Variants in CHD6 observed in about 807,000 individuals in gnomAD.
CHD6 encodes ATP-dependent chromatin remodeler CHD6.
A neutral mutation model predicts 276.9 loss-of-function variants in CHD6; 50 were observed. That is an observed-to-expected ratio of 0.18 (90% CI 0.14 to 0.23). The LOEUF is 0.23. Ranked by LOEUF, CHD6 falls within the 10% of genes least tolerant of loss-of-function variation. The pLI is 1.00. For missense variants in CHD6, 2,564 were observed against 3,365.8 expected, an observed-to-expected ratio of 0.76 and a Z score of 5.89; for synonymous variants, 1,173 against 1,229.3, an observed-to-expected ratio of 0.95 and a Z score of 0.96.
Position 41,403,832 on chromosome 20 carries a change from C to T in CHD6, c.*761G>A, listed in dbSNP as rs1235009365. The T allele has an allele frequency of 1.4e-5, 15 of 1,057,114 alleles. No homozygotes were observed. Among genetic ancestry groups the T allele is most frequent in the Non-Finnish European group, 1.7e-5 (15 of 874,274 alleles). The allele number at this position is 1,057,114 out of a possible 1,614,324, so 65.5% of individuals were successfully genotyped here. ...AGCTCTACGGAGCGCGGGTCCTTGC[C>T]CCACCCCCGTCGACAGCAATAACTC... On this transcript the variant is annotated 3_prime_UTR_variant, in exon 37 of 37. Coordinates refer to ENST00000373233, the MANE Select transcript of CHD6 (RefSeq NM_032221.5).
chr20:41,503,525 A>G (rs1214507049), intron 5 of CHD6, among the ~76,000 whole-genome samples: 1 of 152,190 alleles, frequency 6.6e-6, no homozygotes, highest in Non-Finnish European at 1.5e-5. Context: ...AATGCATTCA[A>G]TATTGTACTA....
Position 41,493,552 on chromosome 20 carries a change from C to T in CHD6, c.1300G>A (p.Glu434Lys), listed in dbSNP as rs780941409. 1.9e-6 allele frequency: 3 copies of T among 1,613,778 alleles called. No individual in the cohort carries two copies. Among genetic ancestry groups the T allele is most frequent in the South Asian group, 1.1e-5 (1 of 91,016 alleles). The change falls in exon 10 of 37, where the codon GAA becomes AAA. Residue 434 changes from glutamate to lysine, a missense_variant. By Grantham distance (56) the Glu-to-Lys change is moderately conservative (BLOSUM62 1). This residue lies in a region of CHD6 where 457 missense variants were observed against 889.0 expected (regional missense o/e 0.51). Transcript: ENST00000373233. The stretch of plus-strand genomic sequence containing the variant: ...AACTACTTTACCACATGCTTAATTT[C>T]AGGGAGAACTTGAAGAGATTCAAAT... The part of the protein sequence containing the change: ...KEFESLQVLP[E>K]IKHVERPASD...
At chr20:41,516,698 GAAGC>G (rs1024736568) in intron 3 of CHD6, among the ~76,000 whole-genome samples, 7 of 152,106 alleles carry the variant, frequency 4.6e-5, no homozygotes, top group Admixed American at 4.6e-4. Context: ...CAAGTGAACA[GAAGC>G]ACTATGTGAT....
chr20:41,559,161 CACA>C (rs988709001), intron 1 of CHD6, among the ~76,000 whole-genome samples: 13 of 151,952 alleles, frequency 8.6e-5, no homozygotes, highest in African/African-American at 2.2e-4. Context: ...CACACACACA[CACA>C]CACACACACA....
At chr20:41,601,725 T>C (rs558303301) in intron 1 of CHD6, among the ~76,000 whole-genome samples, 8 of 152,354 alleles carry the variant, frequency 5.3e-5, no homozygotes, top group Non-Finnish European at 7.3e-5. Context: ...AGTTTCCTCA[T>C]TGGTAAAATG....
At chr20:41,539,554 C>A (rs1365320704) in intron 2 of CHD6, among the ~76,000 whole-genome samples, 1 of 152,226 alleles carries the variant, frequency 6.6e-6, no homozygotes, top group Non-Finnish European at 1.5e-5. Flanking sequence ...CACACGACCA[C>A]CCCACTGGGG....
At chr20:41,553,531 A>G (rs535742888) in intron 1 of CHD6, among the ~76,000 whole-genome samples, 1 of 152,222 alleles carries the variant, frequency 6.6e-6, no homozygotes, top group Non-Finnish European at 1.5e-5. Context: ...TTACCTATTT[A>G]GGAAAGTTTT....
intron 1 of CHD6, among the ~76,000 whole-genome samples, chr20:41,555,365 AC>A (rs1274733672): frequency 1.9e-5 from 2 of 103,486 alleles, no homozygotes; most frequent in Admixed American, 1.0e-4. Context: ...CGGGGGGCCG[AC>A]CCCCCCACCT....
intron 2 of CHD6, among the ~76,000 whole-genome samples, chr20:41,542,736 G>T (rs2044969191): frequency 6.6e-6 from 1 of 151,892 alleles, no homozygotes. Context: ...ATAAGGAATT[G>T]TTCTTTTATA....
chr20:41,451,147 G>T (rs73123238), intron 22 of CHD6, 42 bp from the exon 23 acceptor site: 24,241 of 1,580,760 alleles, frequency 0.015, 245 homozygotes, highest in Non-Finnish European at 0.02. Context: ...ATAGCCAAGG[G>T]GGGTGTTACA....
At chr20:41,617,566 G>C (rs2045945260) in intron 1 of CHD6, among the ~76,000 whole-genome samples, 2 of 152,220 alleles carry the variant, frequency 1.3e-5, no homozygotes, top group African/African-American at 4.8e-5. Context: ...GGGCGCAACG[G>C]ACTCCGTTAC....
At chr20:41,614,052 G>T (rs1326042974) in intron 1 of CHD6, among the ~76,000 whole-genome samples, 2 of 150,906 alleles carry the variant, frequency 1.3e-5, no homozygotes. Context: ...TGGTCACATA[G>T]TATATAAGAA....
At chr20:41,538,482 T>C (rs1369426298) in intron 2 of CHD6, among the ~76,000 whole-genome samples, 1 of 152,224 alleles carries the variant, frequency 6.6e-6, no homozygotes, top group South Asian at 2.1e-4. Context: ...ATTCCATTTA[T>C]ATGAAATGCT....
intron 2 of CHD6, among the ~76,000 whole-genome samples, chr20:41,537,424 AG>A (rs1601111459): frequency 1.3e-5 from 2 of 152,350 alleles, no homozygotes; most frequent in East Asian, 3.9e-4. Context: ...AAAGTGTATG[AG>A]AAGATGTGTA....
intron 9 of CHD6, 47 bp downstream of exon 9, chr20:41,493,811 A>G (rs2043613807): frequency 6.3e-7 from 1 of 1,579,306 alleles, no homozygotes; most frequent in African/African-American, 1.3e-5. Flanking sequence ...AAACAAGTGA[A>G]ATACGTGGAA....
Position 41,514,957 on chromosome 20 carries a change from A to G in CHD6, c.555-5T>C. 1 of 1,613,632 alleles carries G rather than the reference A, an allele frequency of 6.2e-7. No homozygotes were observed. On this transcript the variant is annotated splice_region_variant and splice_polypyrimidine_tract_variant and intron_variant, in intron 3 of 36. Coordinates refer to ENST00000373233, the MANE Select transcript of CHD6 (RefSeq NM_032221.5). Reference sequence around the variant, plus strand: ...GGGGTTGGTCCTTGCTCCTTGCTACAAGGAGAAATTCAGAATTAAAACTGT... The same window carrying G: ...GGGGTTGGTCCTTGCTCCTTGCTACGAGGAGAAATTCAGAATTAAAACTGT...
At chr20:41,443,065 G>T (rs2047948301) in intron 25 of CHD6, among the ~76,000 whole-genome samples, 1 of 152,196 alleles carries the variant, frequency 6.6e-6, no homozygotes, top group South Asian at 2.1e-4. Context: ...CACCTTCAAG[G>T]CCTCTGCCCC....
chr20:41,421,329 A>G lies in CHD6; in HGVS notation c.5306T>C (p.Val1769Ala), dbSNP rs781386143. ...TFMGSLEAGG[V>A]AQANIKNGKH... ...TCCATTTTTGATGTTTGCTTGAGCT[A>G]CTCCTCCTGCTTCTAAGCTACCCAT... The change falls in exon 31 of 37, where the codon GTA becomes GCA. Residue 1769 changes from valine (V) to alanine (A), a missense_variant. Val to Ala is a moderately conservative substitution (Grantham distance 64, BLOSUM62 0). This residue lies in a region of CHD6 where 1,024 missense variants were observed against 1,047.9 expected (regional missense o/e 0.98). Transcript: ENST00000373233. 3 of 1,613,754 alleles carry G rather than the reference A, an allele frequency of 1.9e-6. No homozygotes were observed. The highest frequency in any genetic ancestry group is 2.5e-6 in the Non-Finnish European group (3 of 1,179,914).
intron 31 of CHD6, among the ~76,000 whole-genome samples, chr20:41,418,586 TTAAG>T (rs1264624470): frequency 6.6e-6 from 1 of 152,082 alleles, no homozygotes; most frequent in East Asian, 1.9e-4. Flanking sequence ...GGAGTTGAAT[TTAAG>T]TTTTTTTTTT....
Sources: allele counts gnomAD v4.1 joint callset (sites outside exome capture counted in the v4.1 genomes callset), GRCh38; gene constraint gnomAD v4.1.1; regional missense constraint gnomAD v4.1.1; transcripts MANE v1.5; gene names NCBI Gene and HGNC (gene_info 2026-07-23, HGNC 2026-07-21).